The following ANK2 variants were observed in gnomAD, a reference collection of about 807,000 sequenced individuals.
ANK2 encodes the protein ankyrin 2.
ANK2 carries 83 observed loss-of-function variants against 360.5 expected under a neutral mutation model. That is an observed-to-expected ratio of 0.23 (90% CI 0.19 to 0.28). The LOEUF (loss-of-function observed/expected upper bound fraction) is 0.28. ANK2 is among the 10% of genes least tolerant of loss of function. The probability of loss-of-function intolerance (pLI) is 1.00; values close to 1 mark genes in which losing one functional copy is unlikely to be tolerated. For missense variants in ANK2, 4,201 were observed against 4,795.7 expected, an observed-to-expected ratio of 0.88 and a Z score of 3.66; for synonymous variants, 1,740 against 1,759.5, an observed-to-expected ratio of 0.99 and a Z score of 0.28.
In ANK2 at chr4:112,863,867, A is replaced by G. The variant is rs112057734; in HGVS notation, c.-39-40588A>G. Reference sequence around the variant, plus strand: ...TTTTTTGATGTAGTGATGACTAACCAGTCAATTCCATTTTGTGTATTGTGA... The same window carrying G: ...TTTTTTGATGTAGTGATGACTAACCGGTCAATTCCATTTTGTGTATTGTGA... On this transcript the variant is annotated intron_variant, in intron 1 of 30. Transcript: ENST00000503271. Among the ~76,000 whole-genome samples, 361 of 152,288 alleles carry G rather than the reference A, an allele frequency of 2.4e-3. 4 individuals are homozygous for G. Among genetic ancestry groups the G allele is most frequent in the Non-Finnish European group, 4.3e-3 (290 of 68,020 alleles).
intron 17 of ANK2, among the ~76,000 whole-genome samples, chr4:113,279,099 A>C (rs2061303896): frequency 6.6e-6 from 1 of 152,084 alleles, no homozygotes; most frequent in African/African-American, 2.4e-5. Flanking sequence ...GCTCCAACTA[A>C]GACTTGTACT....
chr4:113,143,432 C>T (rs72892075), intron 1 of ANK2, among the ~76,000 whole-genome samples: 4,174 of 152,240 alleles, frequency 0.027, 185 homozygotes, highest in African/African-American at 0.093. Context: ...TATTCCTTTT[C>T]CATGTGTAAG....
chr4:113,334,158 C>T (rs1437887212), intron 29 of ANK2, among the ~76,000 whole-genome samples: 3 of 152,252 alleles, frequency 2.0e-5, no homozygotes, highest in South Asian at 2.1e-4. Flanking sequence ...GCCTGACCAT[C>T]GCTTCTTTAC....
intron 35 of ANK2, among the ~76,000 whole-genome samples, chr4:113,346,792 C>G (rs1014094490): frequency 6.6e-6 from 1 of 152,134 alleles, no homozygotes; most frequent in Non-Finnish European, 1.5e-5. Context: ...TTTCTGACCC[C>G]AAGTCTACCT....
intron 2 of ANK2, among the ~76,000 whole-genome samples, chr4:113,016,313 T>C (rs1421652329): frequency 6.6e-6 from 1 of 152,214 alleles, no homozygotes; most frequent in African/African-American, 2.4e-5. Flanking sequence ...GAATCATTTG[T>C]GGACACTTTC....
chr4:113,256,095 T>G (rs2049167897), intron 11 of ANK2, among the ~76,000 whole-genome samples, 163 bp downstream of exon 11: 1 of 152,256 alleles, frequency 6.6e-6, no homozygotes, highest in South Asian at 2.1e-4. Flanking sequence ...CATACATTCA[T>G]AGTTTGTTAG....
chr4:113,365,201 ATGTGTGTGTGTG>A lies in ANK2; in HGVS notation c.11032+39_11032+50del, dbSNP rs34201791. The A allele has an allele frequency of 3.8e-5, 54 of 1,422,634 alleles. No individual in the cohort carries two copies. The African/African-American group carries it at 5.5e-4, about 14-fold the overall frequency. The allele number at this position is 1,422,634 out of a possible 1,614,324, so 88.1% of individuals were successfully genotyped here. A position where few individuals can be genotyped will look rare whatever the true frequency, so the allele number is the denominator to read the frequency against. ...AGTGAAGGTCAAACTGTGTGTGTGT[ATGTGTGTGTGTG>A]TGTGTGTGTGTGTGTGTGTTGTGTC... On this transcript the variant is annotated intron_variant, in intron 41 of 45. Coordinates refer to ENST00000357077, the MANE Select transcript of ANK2 (RefSeq NM_001148.6).
At chr4:113,278,034 A>G in intron 16 of ANK2, 99 bp downstream of exon 16, 1 of 1,171,324 alleles carries the variant, frequency 8.5e-7, no homozygotes, top group Non-Finnish European at 1.2e-6. Flanking sequence ...GGAATGTGAG[A>G]GCAACTGATG....
rs2095714803 is a variant in ANK2 at position 113,355,722 on chromosome 4, G to A, written c.7104G>A (p.Glu2368=). The A allele has an allele frequency of 1.2e-6, 2 of 1,614,152 alleles. No individual in the cohort carries two copies. The highest frequency in any genetic ancestry group is 1.7e-5 in the Admixed American group (1 of 60,014). Residue 2368 remains glutamate, a synonymous_variant, in exon 38 of 46, where the codon GAG becomes GAA. Transcript: ENST00000357077. The part of the protein sequence containing the change: ...SSAHKTQTDS[E]VQESTATSDE... ...CCCACAAGACACAAACTGATAGTGA[G>A]GTTCAAGAATCCACAGCCACCTCAG...
chr4:113,380,995 G>A (rs1000267721), intron 45 of ANK2, among the ~76,000 whole-genome samples: 6 of 152,176 alleles, frequency 3.9e-5, no homozygotes, highest in Admixed American at 2.0e-4. Context: ...GTTTGGGTCA[G>A]GGTATGACTG....
chr4:112,752,130 G>A, the ANK2 span, among the ~76,000 whole-genome samples: 3 of 152,106 alleles, frequency 2.0e-5, no homozygotes. Context: ...AAGGGAGCAG[G>A]GAGTCCATAT....
chr4:112,764,440 A>G, the ANK2 span, among the ~76,000 whole-genome samples: 1 of 151,116 alleles, frequency 6.6e-6, no homozygotes, highest in Non-Finnish European at 1.5e-5. Context: ...GGTTCAAATG[A>G]TTCTCCTGCC....
At chr4:113,103,806 G>A (rs577234111) in intron 1 of ANK2, among the ~76,000 whole-genome samples, 11 of 152,106 alleles carry the variant, frequency 7.2e-5, no homozygotes, top group Non-Finnish European at 1.3e-4. Context: ...TCAGGAAGTG[G>A]AATATGTACA....
intron 24 of ANK2, among the ~76,000 whole-genome samples, chr4:113,312,616 A>G (rs971615958): frequency 6.6e-6 from 1 of 152,062 alleles, no homozygotes; most frequent in Non-Finnish European, 1.5e-5. Context: ...CTGAGGCTCT[A>G]GCTTCCTGGA....
chr4:112,975,020 G>A (rs1297722839), intron 2 of ANK2, among the ~76,000 whole-genome samples: 2 of 152,100 alleles, frequency 1.3e-5, no homozygotes, highest in Non-Finnish European at 2.9e-5. Flanking sequence ...TAAAACATTT[G>A]CTAAAAAATA....
intron 1 of ANK2, among the ~76,000 whole-genome samples, chr4:113,062,031 T>TA (rs200594789): frequency 2.0e-5 from 3 of 151,432 alleles, no homozygotes; most frequent in Admixed American, 6.6e-5. Context: ...GAAAAGCAAC[T>TA]AAAAAAAAAT....
chr4:112,822,079 T>C (rs181377146), intron 1 of ANK2, among the ~76,000 whole-genome samples: 70 of 151,986 alleles, frequency 4.6e-4, no homozygotes, highest in African/African-American at 1.6e-3. Context: ...TCTTTCTTTA[T>C]ACAAACCTAT....
rs1485692149 is a variant in ANK2 at position 113,335,899 on chromosome 4, C to G, written c.3433C>G (p.Arg1145Gly). The G allele has an allele frequency of 3.7e-6, 6 of 1,614,156 alleles. No homozygotes were observed. Among genetic ancestry groups the G allele is most frequent in the Non-Finnish European group, 4.2e-6 (5 of 1,180,018 alleles). The change falls in exon 30 of 46, where the codon CGA (arginine) becomes GGA (glycine). Residue 1145 changes from arginine (R) to glycine (G), a missense_variant. Around this residue, in one of 4 missense-constraint regions of ANK2, gnomAD observed 1,268 missense variants for 1,650.8 expected, o/e 0.77. Transcript: ENST00000357077. ...EKKRICRIIT[R>G]DFPQYFAVVS... Reference sequence around the variant, plus strand: ...GAAACGAATCTGCCGCATCATCACCCGAGACTTCCCACAGTACTTTGCAGT... The same window carrying G: ...GAAACGAATCTGCCGCATCATCACCGGAGACTTCCCACAGTACTTTGCAGT...
At chr4:113,210,960 A>T (rs1562916093) in intron 4 of ANK2, among the ~76,000 whole-genome samples, 1 of 152,216 alleles carries the variant, frequency 6.6e-6, no homozygotes, top group Non-Finnish European at 1.5e-5. Flanking sequence ...TCAAATCTAA[A>T]TTTGCATTCA....
Sources: gnomAD v4.1 joint callset for allele counts (sites outside exome capture counted in the v4.1 genomes callset) on GRCh38, gnomAD v4.1.1 for gene constraint, gnomAD v4.1.1 regional missense constraint, MANE v1.5 for transcripts, NCBI Gene and HGNC (gene_info 2026-07-23, HGNC 2026-07-21) for gene names.